Variants in KLF12 observed in about 807,000 individuals in gnomAD.
KLF12 encodes Krueppel-like factor 12.
KLF12 carries 9 observed loss-of-function variants against 37.8 expected under a neutral mutation model. The observed-to-expected ratio is 0.24, with a 90% CI of 0.14 to 0.42. The LOEUF is 0.42. Among genes scored for constraint, KLF12 ranks in the 10% least tolerant of loss-of-function variants. The pLI is 1.00. For synonymous variants in KLF12, 208 were observed against 202.1 expected (o/e 1.03, Z -0.25); for missense variants, 411 against 516.0 (o/e 0.80, Z 1.97).
intron 3 of KLF12, among the ~76,000 whole-genome samples, chr13:73,932,058 A>G (rs920908823): frequency 6.6e-6 from 1 of 152,118 alleles, no homozygotes; most frequent in East Asian, 1.9e-4. Context: ...TTCCTTCTTT[A>G]TCTGAATTTT....
chr13:74,304,671 AC>A, the KLF12 span, among the ~76,000 whole-genome samples: 1 of 152,110 alleles, frequency 6.6e-6, no homozygotes, highest in East Asian at 1.9e-4. Context: ...CGTGTTTATT[AC>A]TTAGATAGTA....
the KLF12 span, among the ~76,000 whole-genome samples, chr13:74,265,692 C>A: frequency 3.9e-5 from 6 of 152,296 alleles, no homozygotes; most frequent in Non-Finnish European, 8.8e-5. Flanking sequence ...GACCTACAGA[C>A]ACATCCTCTT....
intron 3 of KLF12, among the ~76,000 whole-genome samples, chr13:73,884,933 G>C (rs1019971500): frequency 6.6e-6 from 1 of 152,216 alleles, no homozygotes; most frequent in African/African-American, 2.4e-5. Context: ...GACCTCTGGG[G>C]CACCATACTT....
intron 3 of KLF12, among the ~76,000 whole-genome samples, chr13:73,925,739 C>CACT (rs1889345423): frequency 6.6e-6 from 1 of 152,286 alleles, no homozygotes; most frequent in South Asian, 2.1e-4. Flanking sequence ...GGCAAGGATT[C>CACT]ACTATTCTAG....
the KLF12 span, among the ~76,000 whole-genome samples, chr13:74,264,162 G>A: frequency 6.6e-6 from 1 of 152,130 alleles, no homozygotes; most frequent in Non-Finnish European, 1.5e-5. Flanking sequence ...TGAAGATCAG[G>A]CTTTGGGTAT....
At chr13:73,976,080 CATA>C (rs1391965534) in intron 2 of KLF12, among the ~76,000 whole-genome samples, 5 of 90,118 alleles carry the variant, frequency 5.5e-5, no homozygotes, top group Non-Finnish European at 1.3e-4. Flanking sequence ...GTGCCTGGCA[CATA>C]ATAAGTCATT....
At chr13:73,776,727 C>A (rs1337457895) in intron 5 of KLF12, among the ~76,000 whole-genome samples, 1 of 152,160 alleles carries the variant, frequency 6.6e-6, no homozygotes, top group Non-Finnish European at 1.5e-5. Context: ...TTGGTTATTA[C>A]TATATTAACA....
chr13:74,031,957 T>C (rs762224897), intron 1 of KLF12, among the ~76,000 whole-genome samples: 6 of 152,150 alleles, frequency 3.9e-5, no homozygotes, highest in Non-Finnish European at 7.4e-5. Flanking sequence ...CATTTGGGAA[T>C]TATTATAAGA....
chr13:74,127,245 T>C (rs9543532), intron 1 of KLF12, among the ~76,000 whole-genome samples: 82,708 of 152,160 alleles, frequency 0.54, 27,557 homozygotes, highest in East Asian at 0.89. Flanking sequence ...AATTCTACTA[T>C]ACTACAAGAT....
chr13:73,858,700 T>C (rs910947884), intron 3 of KLF12, among the ~76,000 whole-genome samples: 14 of 152,118 alleles, frequency 9.2e-5, no homozygotes, highest in African/African-American at 1.2e-4. Flanking sequence ...AACAGCATTT[T>C]CCCCCCTAGA....
chr13:73,915,689 A>ATTTTTTTTTTT (rs140697314), intron 3 of KLF12, among the ~76,000 whole-genome samples: 32 of 99,070 alleles, frequency 3.2e-4, no homozygotes, highest in South Asian at 6.7e-4. Context: ...ATTTTTTTGT[A>ATTTTTTTTTTT]TTTTTTTTTT....
At chr13:73,703,855 G>A (rs1391514735) in intron 7 of KLF12, among the ~76,000 whole-genome samples, 1 of 152,150 alleles carries the variant, frequency 6.6e-6, no homozygotes, top group East Asian at 1.9e-4. Context: ...TGGGCACGGA[G>A]ACTGCAAATG....
At chr13:73,792,379 A>AT (rs1473267834) in intron 5 of KLF12, among the ~76,000 whole-genome samples, 1 of 152,140 alleles carries the variant, frequency 6.6e-6, no homozygotes, top group East Asian at 1.9e-4. Flanking sequence ...CTAAAATCTT[A>AT]TTTTTTGTGG....
intron 2 of KLF12, among the ~76,000 whole-genome samples, chr13:73,969,827 A>T (rs1174073341): frequency 6.6e-6 from 1 of 152,238 alleles, no homozygotes. Flanking sequence ...TAGGGCTACC[A>T]TCAAACCTTC....
At chr13:74,031,225 T>C (rs1014980492) in intron 1 of KLF12, among the ~76,000 whole-genome samples, 2 of 152,178 alleles carry the variant, frequency 1.3e-5, no homozygotes, top group South Asian at 2.1e-4. Flanking sequence ...AGCAATACTA[T>C]TGACTTTATA....
At chr13:73,811,443 T>A (rs1882937352) in intron 5 of KLF12, among the ~76,000 whole-genome samples, 2 of 152,180 alleles carry the variant, frequency 1.3e-5, no homozygotes, top group Non-Finnish European at 2.9e-5. Flanking sequence ...AAAATCAGAA[T>A]AATGACTCTT....
the KLF12 span, among the ~76,000 whole-genome samples, chr13:74,207,414 G>GC: frequency 1.3e-5 from 2 of 152,194 alleles, no homozygotes; most frequent in African/African-American, 4.8e-5. Context: ...GGTGGCTCAT[G>GC]CCTGTAATCC....
intron 2 of KLF12, among the ~76,000 whole-genome samples, 180 bp downstream of exon 2, chr13:73,994,810 C>A (rs1474630590): frequency 6.6e-6 from 1 of 152,082 alleles, no homozygotes; most frequent in Non-Finnish European, 1.5e-5. Flanking sequence ...GAGTTGCTTC[C>A]ATATAATTTT....
intron 3 of KLF12, among the ~76,000 whole-genome samples, chr13:73,890,662 T>A (rs997292436): frequency 6.6e-6 from 1 of 151,724 alleles, no homozygotes; most frequent in Non-Finnish European, 1.5e-5. Flanking sequence ...CAAATCAGAA[T>A]GGAGTCACCT....
Sources: allele counts gnomAD v4.1 joint callset (sites outside exome capture counted in the v4.1 genomes callset), GRCh38; gene constraint gnomAD v4.1.1; transcripts MANE v1.5; gene names NCBI Gene and HGNC (gene_info 2026-07-23, HGNC 2026-07-21).